Variants in USP46 observed in about 807,000 individuals in gnomAD.
USP46 encodes the protein ubiquitin carboxyl-terminal hydrolase 46.
Under a neutral mutation model 44.4 loss-of-function variants are expected in USP46, and 12 were observed. The ratio of observed to expected loss-of-function variants is 0.27; its 90% CI spans 0.17 to 0.44. The LOEUF (loss-of-function observed/expected upper bound fraction) is 0.44. USP46 is among the 20% of genes least tolerant of loss of function. The pLI is 1.00. For synonymous variants in USP46, 155 were observed against 161.5 expected, an observed-to-expected ratio of 0.96 and a Z score of 0.31; for missense variants, 248 against 444.8, an observed-to-expected ratio of 0.56 and a Z score of 3.98.
At position 52,604,548 on chromosome 4, in the gene USP46, T is replaced by C; in HGVS notation, c.675A>G (p.Gln225=). ...TGCAGCATGTTTCACAATAATATTT[T>C]TGTTCACTACACAGTGTTTCTGTGT... is the stretch of plus-strand genomic sequence containing the variant. ...FSNTETLCSE[Q]KYYCETCCSK... is the part of the protein sequence containing the mutation. The change falls in exon 6 of 9, where the codon CAA becomes CAG. Residue 225 remains glutamine, a synonymous_variant. Coordinates refer to ENST00000441222, the MANE Select transcript of USP46 (RefSeq NM_022832.4). The C allele has an allele frequency of 6.2e-7, 1 of 1,610,796 alleles. No homozygotes were observed. Among genetic ancestry groups the C allele is most frequent in the East Asian group, 2.2e-5 (1 of 44,766 alleles).
At chr4:52,611,715 C>T (rs558910360) in intron 4 of USP46, among the ~76,000 whole-genome samples, 292 of 152,094 alleles carry the variant, frequency 1.9e-3, no homozygotes, top group Non-Finnish European at 3.4e-3. Context: ...GGTGAAACTC[C>T]GTCTCTACTA....
chr4:52,659,075 C>G lies in USP46; in HGVS notation c.36+40G>C. On this transcript the variant is annotated intron_variant, in intron 1 of 8. Transcript: ENST00000441222. This position sits in a 1 kb window ranked among gnomAD's most constrained non-coding sequence, Gnocchi z 4.2. ...TCGGGCTTCCCTTTCTTTGCCTCGC[C>G]GCGAGTCGGGCGCGACCCCGAGGCG... 6.5e-7 allele frequency: 1 copy of G among 1,542,500 alleles called. No homozygotes were observed. Among genetic ancestry groups the G allele is most frequent in the Non-Finnish European group, 8.7e-7 (1 of 1,146,356 alleles).
intron 1 of USP46, among the ~76,000 whole-genome samples, chr4:52,658,527 C>T (rs1023232037): frequency 6.6e-6 from 1 of 152,206 alleles, no homozygotes; most frequent in African/African-American, 2.4e-5. Context: ...GATGGGGAAA[C>T]TGAGGCATGC....
intron 1 of USP46, among the ~76,000 whole-genome samples, chr4:52,645,914 T>C (rs1283667292): frequency 1.3e-5 from 2 of 150,634 alleles, no homozygotes; most frequent in Middle Eastern, 3.4e-3. Context: ...TTTCCCTTTC[T>C]CTCTTGCTCT....
At chr4:52,610,098 G>A (rs1381519980) in intron 5 of USP46, among the ~76,000 whole-genome samples, 1 of 149,274 alleles carries the variant, frequency 6.7e-6, no homozygotes, top group Non-Finnish European at 1.5e-5. Flanking sequence ...GCTAATTTTT[G>A]TATTTTTAGT....
intron 1 of USP46, among the ~76,000 whole-genome samples, chr4:52,655,791 T>A (rs1408047392): frequency 6.6e-6 from 1 of 152,186 alleles, no homozygotes. Context: ...CATCAAGAAT[T>A]ACCATGGCAG....
Position 52,597,752 on chromosome 4 carries a change from G to A in USP46, c.1000-11C>T. On this transcript the variant is annotated splice_polypyrimidine_tract_variant and intron_variant, in intron 8 of 8. Coordinates refer to ENST00000441222, the MANE Select transcript of USP46 (RefSeq NM_022832.4). ...TTGAGCATCTATTTTCTGCAATAAA[G>A]GAGAAAGAAAACAACACAATTACTT... The A allele has an allele frequency of 1.3e-6, 2 of 1,562,490 alleles. No homozygotes were observed. Among genetic ancestry groups the A allele is most frequent in the Non-Finnish European group, 1.7e-6 (2 of 1,152,828 alleles).
At chr4:52,640,895 C>T (rs758349235) in intron 1 of USP46, among the ~76,000 whole-genome samples, 12 of 149,878 alleles carry the variant, frequency 8.0e-5, no homozygotes, top group African/African-American at 2.7e-4. Context: ...CTAAGGCCCT[C>T]GGCAAATACC....
At chr4:52,658,855 G>GGGGGCGCAGCAGCGCGGCCCC (rs1719060694) in intron 1 of USP46, among the ~76,000 whole-genome samples, 4 of 151,896 alleles carry the variant, frequency 2.6e-5, no homozygotes, top group African/African-American at 4.8e-5. Context: ...CCCGAGGGCG[G>GGGGGCGCAGCAGCGCGGCCCC]GGGGCGCAGC....
chr4:52,601,969 G>A lies in USP46; in HGVS notation c.808C>T (p.Leu270=), dbSNP rs370620382. ...AGAGGGAAGACCACACGGTAAGACA[G>A]CTTGGTGTATCTGTGCAGCTGCTCC... The part of the protein sequence containing the change: ...YMEQLHRYTK[L]SYRVVFPLEL... Residue 270 remains leucine (L), a synonymous_variant, in exon 7 of 9, where the codon CTG becomes TTG. Transcript: ENST00000441222. 6.8e-6 allele frequency: 11 copies of A among 1,614,026 alleles called. No homozygotes were observed. The African/African-American group carries it at 1.1e-4, about 16-fold the overall frequency.
rs1476822205 is a variant in USP46 at position 52,595,566 on chromosome 4, A to T, written c.*2074T>A. 1 of 152,238 alleles carries T rather than the reference A, an allele frequency of 6.6e-6. No homozygotes were observed. The allele number at this position is 152,238 out of a possible 1,614,324, so 9.4% of individuals were successfully genotyped here. On this transcript the variant is annotated 3_prime_UTR_variant, in exon 9 of 9. Transcript: ENST00000441222. ...TAAAAGGAATTACTTCGATTAAATA[A>T]CTGGGAAAAACATTTTGCACAACCA... is the stretch of plus-strand genomic sequence containing the variant.
rs1052811601 is a variant in USP46, at chr4:52,601,214, A to G, written c.920+643T>C. ...GAACATAAACCTGTCCCAACTGAGC[A>G]AAGAATAACAAACAGGTGAATTTTC... On this transcript the variant is annotated intron_variant, in intron 7 of 8. Coordinates refer to ENST00000441222, the MANE Select transcript of USP46 (RefSeq NM_022832.4). Among the ~76,000 whole-genome samples the G allele has an allele frequency of 3.3e-5, 5 of 152,354 alleles. No homozygotes were observed. The East Asian group carries it at 9.6e-4, about 29-fold the overall frequency.
chr4:52,632,445 G>A (rs1383224886), intron 1 of USP46, among the ~76,000 whole-genome samples: 2 of 152,146 alleles, frequency 1.3e-5, no homozygotes, highest in Non-Finnish European at 1.5e-5. Flanking sequence ...AGAAGGCTCT[G>A]TCTACCTTCA....
At chr4:52,620,069 T>G (rs1158944952) in intron 4 of USP46, among the ~76,000 whole-genome samples, 1 of 152,190 alleles carries the variant, frequency 6.6e-6, no homozygotes, top group Non-Finnish European at 1.5e-5. Flanking sequence ...ATCCAAAATT[T>G]TCAAAGGCAT....
intron 1 of USP46, among the ~76,000 whole-genome samples, chr4:52,633,006 G>GAA (rs200143285): frequency 8.4e-6 from 1 of 118,988 alleles, no homozygotes; most frequent in African/African-American, 3.5e-5. Flanking sequence ...AAGAAAGAAA[G>GAA]AAAGAAAGAA....
chr4:52,602,204 T>G, intron 6 of USP46, 150 bp from the exon 7 acceptor site: 1 of 850,346 alleles, frequency 1.2e-6, no homozygotes. Flanking sequence ...AAAAGTATGC[T>G]GGCATATATA....
rs918739696 is a variant in USP46, at chr4:52,658,975, G to A, written c.36+140C>T. On this transcript the variant is annotated intron_variant, in intron 1 of 8. Transcript: ENST00000441222. ...TGAGGTGGCTGCGGCCGCGCGCCCAGCTCGGGGGCCGGGAACTTCTGGCGG... is the reference window on the plus strand; with the variant it reads ...TGAGGTGGCTGCGGCCGCGCGCCCAACTCGGGGGCCGGGAACTTCTGGCGG... 2.8e-6 allele frequency: 3 copies of A among 1,073,280 alleles called. No homozygotes were observed. The African/African-American group carries it at 5.1e-5, about 18-fold the overall frequency. 66.5% of individuals were successfully genotyped at this position (1,073,280 alleles called of 1,614,324 possible).
chr4:52,605,166 G>C (rs188799788), intron 5 of USP46, among the ~76,000 whole-genome samples: 46 of 152,256 alleles, frequency 3.0e-4, no homozygotes, highest in African/African-American at 9.1e-4. Context: ...AAGAAATCCT[G>C]AATTAATCAG....
intron 1 of USP46, among the ~76,000 whole-genome samples, chr4:52,657,580 C>T (rs1719002225): frequency 6.6e-6 from 1 of 152,180 alleles, no homozygotes; most frequent in African/African-American, 2.4e-5. Context: ...AAGCTGCTCC[C>T]GATTCACAGT....
Sources: allele counts gnomAD v4.1 joint callset (sites outside exome capture counted in the v4.1 genomes callset), GRCh38; gene constraint gnomAD v4.1.1; non-coding constraint Gnocchi (gnomAD v3.1); transcripts MANE v1.5; gene names NCBI Gene and HGNC (gene_info 2026-07-23, HGNC 2026-07-21).